FRMD6: variants seen among roughly 807,000 people sequenced by gnomAD.
FRMD6 encodes FERM domain-containing protein 6.
In FRMD6, 37 loss-of-function variants were observed where a neutral mutation model predicts 73.2. The ratio of observed to expected loss-of-function variants is 0.51; its 90% CI spans 0.39 to 0.66. The LOEUF (loss-of-function observed/expected upper bound fraction) is 0.66, where lower values mean the gene tolerates loss of function less well. Ranked by LOEUF, FRMD6 falls within the 30% of genes least tolerant of loss-of-function variation. FRMD6 has a pLI of 0.00. For synonymous variants in FRMD6, 273 were observed against 282.2 expected, an observed-to-expected ratio of 0.97 and a Z score of 0.33; for missense variants, 714 against 780.5, an observed-to-expected ratio of 0.91 and a Z score of 1.02.
intron 1 of FRMD6, among the ~76,000 whole-genome samples, chr14:51,674,808 C>T (rs2140264017): frequency 6.6e-6 from 1 of 152,118 alleles, no homozygotes; most frequent in East Asian, 1.9e-4. Flanking sequence ...GAGGGGGACG[C>T]ACGAACCGAA....
the FRMD6 span, among the ~76,000 whole-genome samples, chr14:51,447,750 C>A: frequency 2.0e-5 from 3 of 152,210 alleles, no homozygotes; most frequent in Non-Finnish European, 4.4e-5. Context: ...CCTCACTCCC[C>A]AGCTGTCTCA....
intron 1 of FRMD6, among the ~76,000 whole-genome samples, chr14:51,505,378 T>C (rs1566782297): frequency 6.6e-6 from 1 of 152,198 alleles, no homozygotes; most frequent in Non-Finnish European, 1.5e-5. Flanking sequence ...AAAAATAGGT[T>C]GCTTGTTTAT....
At position 51,543,259 on chromosome 14, in the gene FRMD6, G is replaced by T. The variant is rs370136713; in HGVS notation, c.-209-27089G>T. ...TTTCTGATAGCTAGATTTGCTTTAG[G>T]TGTATATATGTAAGAGTATCAAAAA... is the stretch of plus-strand genomic sequence containing the variant. On this transcript the variant is annotated intron_variant, in intron 1 of 14. Coordinates refer to the FRMD6 transcript ENST00000356218. 2.6e-5 allele frequency among the ~76,000 whole-genome samples: 4 copies of T among 151,832 alleles called. No individual in the cohort carries two copies. In the East Asian group the frequency reaches 5.8e-4, roughly 22 times the overall value.
the FRMD6 span, among the ~76,000 whole-genome samples, chr14:51,433,547 C>T: frequency 6.6e-6 from 1 of 152,176 alleles, no homozygotes; most frequent in Non-Finnish European, 1.5e-5. Flanking sequence ...TATGCTATGC[C>T]TATTTACATA....
intron 2 of FRMD6, among the ~76,000 whole-genome samples, chr14:51,625,039 A>G (rs1891065715): frequency 1.3e-5 from 2 of 152,242 alleles, no homozygotes; most frequent in Non-Finnish European, 2.9e-5. Context: ...CTGCACAGTT[A>G]ACACTCTGTT....
At chr14:51,709,461 A>G (rs1169925681) in intron 7 of FRMD6, among the ~76,000 whole-genome samples, 1 of 152,194 alleles carries the variant, frequency 6.6e-6, no homozygotes, top group East Asian at 1.9e-4. Context: ...TGGTAGGATT[A>G]GCATAGCTAG....
chr14:51,549,718 C>G (rs748015182), intron 1 of FRMD6, among the ~76,000 whole-genome samples: 12 of 150,536 alleles, frequency 8.0e-5, no homozygotes, highest in Non-Finnish European at 1.6e-4. Flanking sequence ...GCCTCAGCCT[C>G]CCGAGTAGCT....
the FRMD6 span, among the ~76,000 whole-genome samples, chr14:51,418,388 T>A: frequency 2.0e-5 from 3 of 152,210 alleles, no homozygotes; most frequent in African/African-American, 7.2e-5. Context: ...TTCCGTTTGT[T>A]AGTTTTCCTT....
intron 1 of FRMD6, among the ~76,000 whole-genome samples, chr14:51,520,134 A>G (rs1382683375): frequency 6.6e-6 from 1 of 152,242 alleles, no homozygotes; most frequent in Non-Finnish European, 1.5e-5. Flanking sequence ...CAATACAAAG[A>G]CAAACAACCT....
At chr14:51,554,467 C>T (rs1157246377) in intron 1 of FRMD6, among the ~76,000 whole-genome samples, 1 of 152,162 alleles carries the variant, frequency 6.6e-6, no homozygotes, top group Non-Finnish European at 1.5e-5. Context: ...GGAAACCTTA[C>T]AAACAGTACC....
At chr14:51,674,913 C>A (rs1894279812) in intron 1 of FRMD6, among the ~76,000 whole-genome samples, 1 of 152,070 alleles carries the variant, frequency 6.6e-6, no homozygotes, top group Admixed American at 6.6e-5. Flanking sequence ...CTTCACACAC[C>A]AGAGAGACCA....
At chr14:51,585,850 G>T (rs1324498820) in intron 2 of FRMD6, among the ~76,000 whole-genome samples, 3 of 148,218 alleles carry the variant, frequency 2.0e-5, no homozygotes, top group Admixed American at 6.8e-5. Context: ...TAGGATAATG[G>T]CTTCTAGTTC....
chr14:51,504,413 A>T (rs1883827128), intron 1 of FRMD6, among the ~76,000 whole-genome samples: 1 of 152,236 alleles, frequency 6.6e-6, no homozygotes, highest in Non-Finnish European at 1.5e-5. Context: ...AAACGGGGTC[A>T]GGCACTTGCT....
chr14:51,398,903 C>G, the FRMD6 span, among the ~76,000 whole-genome samples: 1 of 152,134 alleles, frequency 6.6e-6, no homozygotes, highest in Admixed American at 6.5e-5. Context: ...AACATGTCAG[C>G]AGATTGCCAG....
upstream of FRMD6, chr14:51,651,767 G>C (rs1016715551): frequency 4.3e-5 from 6 of 141,150 alleles, no homozygotes; most frequent in Non-Finnish European, 9.4e-5. Flanking sequence ...CCGCGGCTCG[G>C]CTGCCGCCGC....
At chr14:51,641,477 AAAG>A (rs772755685) in intron 2 of FRMD6, among the ~76,000 whole-genome samples, 12 of 152,256 alleles carry the variant, frequency 7.9e-5, no homozygotes, top group Admixed American at 3.3e-4. Context: ...ACATACTAAA[AAAG>A]AAGGTGATCT....
intron 1 of FRMD6, among the ~76,000 whole-genome samples, chr14:51,683,843 G>A (rs558821531): frequency 6.6e-6 from 1 of 152,220 alleles, no homozygotes; most frequent in South Asian, 2.1e-4. Flanking sequence ...TTCTTAATCA[G>A]TAATCTGTTT....
chr14:51,616,999 G>A (rs1178285610), intron 2 of FRMD6, among the ~76,000 whole-genome samples: 1 of 152,152 alleles, frequency 6.6e-6, no homozygotes, highest in Non-Finnish European at 1.5e-5. Flanking sequence ...GAAACAAAAA[G>A]CCAGTATATG....
chr14:51,567,842 C>T (rs545468911), intron 1 of FRMD6, among the ~76,000 whole-genome samples: 1 of 152,318 alleles, frequency 6.6e-6, no homozygotes, highest in South Asian at 2.1e-4. Flanking sequence ...ACTTCCAGAA[C>T]AAGACTCATA....
Sources: gnomAD v4.1 joint callset for allele counts (sites outside exome capture counted in the v4.1 genomes callset) on GRCh38, gnomAD v4.1.1 for gene constraint, MANE v1.5 for transcripts, NCBI Gene and HGNC (gene_info 2026-07-23, HGNC 2026-07-21) for gene names.